The following ANO9 variants were observed in gnomAD, a reference collection of about 807,000 sequenced individuals.
The protein encoded by ANO9 is anoctamin 9, also known as anoctamin-9.
Under a neutral mutation model 100.5 loss-of-function variants are expected in ANO9, and 80 were observed. The observed-to-expected ratio is 0.80, with a 90% CI of 0.66 to 0.96. The LOEUF (loss-of-function observed/expected upper bound fraction) is 0.96, where lower values mean the gene tolerates loss of function less well. Among genes scored for constraint, ANO9 ranks in the 40% least tolerant of loss-of-function variants. ANO9 has a pLI of 0.00. For synonymous variants in ANO9, 473 were observed against 435.6 expected (o/e 1.09, Z -1.07); for missense variants, 1,064 against 1,072.7 (o/e 0.99, Z 0.11).
In ANO9 at chr11:429,820, TG is replaced by T. The variant is rs535142896; in HGVS notation, c.772-3del. 8.9e-6 allele frequency: 14 copies of T among 1,570,508 alleles called. No homozygotes were observed. The highest frequency in any genetic ancestry group is 1.1e-5 in the South Asian group (1 of 88,716). On this transcript the variant is annotated splice_region_variant and splice_polypyrimidine_tract_variant and intron_variant, in intron 9 of 22. Coordinates refer to ENST00000332826, the MANE Select transcript of ANO9 (RefSeq NM_001012302.3). ...ATCATTGTCAAAGAGGTGGGTGAGC[TG>T]GGGGGGTGATAGGTGGGCCGGAGAG...
intron 19 of ANO9, 92 bp downstream of exon 19, chr11:420,371 T>G: frequency 6.5e-7 from 1 of 1,531,578 alleles, no homozygotes; most frequent in Non-Finnish European, 8.7e-7. Flanking sequence ...TCCGAGAGAT[T>G]ATTTTTTCCA....
Position 432,971 on chromosome 11 carries a change from T to G in ANO9, c.350+343A>C, listed in dbSNP as rs1590493647. ...GGGCATCGGAACTGGAGAGGAGGGGTCTTCAAGAGACACTGGCCTTGATCC... is the reference window on the plus strand; with the variant it reads ...GGGCATCGGAACTGGAGAGGAGGGGGCTTCAAGAGACACTGGCCTTGATCC... On this transcript the variant is annotated intron_variant, in intron 4 of 22. Coordinates refer to ENST00000332826, the MANE Select transcript of ANO9 (RefSeq NM_001012302.3). This position sits in a 1 kb window ranked among gnomAD's most constrained non-coding sequence, Gnocchi z 4.8. The G allele has an allele frequency of 1.5e-5, 4 of 274,602 alleles. No individual in the cohort carries two copies. Among genetic ancestry groups the G allele is most frequent in the Non-Finnish European group, 2.0e-5 (3 of 147,688 alleles). 17.0% of individuals were successfully genotyped at this position (274,602 alleles called of 1,614,324 possible).
In ANO9 at chr11:433,449, T is replaced by C; in HGVS notation, c.215A>G (p.Asp72Gly). ...RKGFHIKVIRDQKQVFFGIRA... is the reference protein window; with the variant it reads ...RKGFHIKVIRGQKQVFFGIRA... ...GATCCCAAAGAAGACCTGTTTCTGG[T>C]CCCGGATCACCTGGGGGCACATGGG... Residue 72 changes from aspartate to glycine, a missense_variant, in exon 4 of 23, where the codon GAC becomes GGC. Asp to Gly is a moderately conservative substitution (Grantham distance 94). Transcript: ENST00000332826. 2 of 1,613,076 alleles carry C rather than the reference T, an allele frequency of 1.2e-6. No individual in the cohort carries two copies. Among genetic ancestry groups the C allele is most frequent in the South Asian group, 1.1e-5 (1 of 91,074 alleles).
rs536470281 is a variant in ANO9 at position 437,803 on chromosome 11, C to T, written c.7-3705G>A. On this transcript the variant is annotated intron_variant, in intron 1 of 22. Transcript: ENST00000332826. Reference sequence around the variant, plus strand: ...TTGGAGGGATTCATGGGAGAATGGCCCCTCACATGCCTGGCTTCAGACCCA... The same window carrying T: ...TTGGAGGGATTCATGGGAGAATGGCTCCTCACATGCCTGGCTTCAGACCCA... Among the ~76,000 whole-genome samples, 8 of 152,278 alleles carry T rather than the reference C, an allele frequency of 5.3e-5. No individual in the cohort carries two copies. In the East Asian group the frequency reaches 1.5e-3, roughly 29 times the overall value.
chr11:422,087 T>C lies in ANO9; in HGVS notation c.1335-889A>G, dbSNP rs1848231027. On this transcript the variant is annotated intron_variant, in intron 15 of 22. Coordinates refer to ENST00000332826, the MANE Select transcript of ANO9 (RefSeq NM_001012302.3). This position sits in a 1 kb window ranked among gnomAD's most constrained non-coding sequence, Gnocchi z 4.3. ...AACGAGCATCCAGCAGAACTGGCTT[T>C]TCCGTGTGCGGCAAAGCTGCGGGGA... Among the ~76,000 whole-genome samples the C allele has an allele frequency of 6.6e-6, 1 of 152,212 alleles. No homozygotes were observed. Among genetic ancestry groups the C allele is most frequent in the Non-Finnish European group, 1.5e-5 (1 of 68,044 alleles).
At position 419,713 on chromosome 11, in the gene ANO9, C is replaced by T; in HGVS notation, c.1803G>A (p.Val601=). 3 of 1,613,086 alleles carry T rather than the reference C, an allele frequency of 1.9e-6. No individual in the cohort carries two copies. Among genetic ancestry groups the T allele is most frequent in the Non-Finnish European group, 2.5e-6 (3 of 1,179,778 alleles). Residue 601 remains valine (V), a synonymous_variant, in exon 20 of 23, where the codon GTG becomes GTA. Coordinates refer to ENST00000332826, the MANE Select transcript of ANO9 (RefSeq NM_001012302.3). ...KAKDIGTWLQ[V]LETIGVLAVI... is the part of the protein sequence containing the mutation. Reference sequence around the variant, plus strand: ...CCGCCAGCACACCGATGGTCTCCAGCACCTGCAGCCAGGTCCCTGCACCAG... The same window carrying T: ...CCGCCAGCACACCGATGGTCTCCAGTACCTGCAGCCAGGTCCCTGCACCAG...
chr11:433,267 G>A, intron 4 of ANO9, 47 bp downstream of exon 4: 1 of 1,595,288 alleles, frequency 6.3e-7, no homozygotes, highest in Non-Finnish European at 8.5e-7. Context: ...CAATCACACA[G>A]GTGGCAAGGG....
At chr11:434,201 C>T in intron 1 of ANO9, 103 bp from the exon 2 acceptor site, 1 of 1,331,190 alleles carries the variant, frequency 7.5e-7, no homozygotes. Context: ...ACACACCGTC[C>T]CTCCCCACAA....
At chr11:438,384 G>GCC (rs376556283) in intron 1 of ANO9, among the ~76,000 whole-genome samples, 1 of 95,450 alleles carries the variant, frequency 1.0e-5, no homozygotes, top group African/African-American at 4.3e-5. Flanking sequence ...GACAGGTGTA[G>GCC]CCCCCCCCCG....
chr11:422,738 T>C lies in ANO9; in HGVS notation c.1335-1540A>G, dbSNP rs1406663343. Reference sequence around the variant, plus strand: ...AACTGGGAGGTAATAATTTGATTGTTTGAAGCCACTAAGCTGTGGTCGTTT... The same window carrying C: ...AACTGGGAGGTAATAATTTGATTGTCTGAAGCCACTAAGCTGTGGTCGTTT... On this transcript the variant is annotated intron_variant, in intron 15 of 22. Coordinates refer to ENST00000332826, the MANE Select transcript of ANO9 (RefSeq NM_001012302.3). The surrounding 1 kb of genome is among the most constrained non-coding windows in gnomAD (Gnocchi z 4.3). Among the ~76,000 whole-genome samples the C allele has an allele frequency of 6.6e-6, 1 of 152,212 alleles. No homozygotes were observed. Among genetic ancestry groups the C allele is most frequent in the Non-Finnish European group, 1.5e-5 (1 of 68,032 alleles).
chr11:440,728 G>A lies in ANO9; in HGVS notation c.6+1193C>T, dbSNP rs1042782874. On this transcript the variant is annotated intron_variant, in intron 1 of 22. Coordinates refer to ENST00000332826, the MANE Select transcript of ANO9 (RefSeq NM_001012302.3). ...TCCTCCTGCCTCAGCCTCCCGAGTA[G>A]CTGGGAGCGCAGGCACGCGCCACCA... 2.0e-5 allele frequency: 3 copies of A among 152,404 alleles called. No homozygotes were observed. In the East Asian group the frequency reaches 5.8e-4, roughly 29 times the overall value. The allele number at this position is 152,404 out of a possible 1,614,324, so 9.4% of individuals were successfully genotyped here.
At chr11:425,711 T>G (rs185445884) in intron 15 of ANO9, among the ~76,000 whole-genome samples, 3 of 149,872 alleles carry the variant, frequency 2.0e-5, no homozygotes, top group Admixed American at 2.0e-4. Flanking sequence ...TAGTTTTTTG[T>G]TTTTTGTTTT....
intron 15 of ANO9, among the ~76,000 whole-genome samples, chr11:424,678 CA>C (rs1848390378): frequency 6.6e-6 from 1 of 151,804 alleles, no homozygotes; most frequent in Non-Finnish European, 1.5e-5. Context: ...GATTAAAAAA[CA>C]AAAATGGACC....
In ANO9 at chr11:429,750, C is replaced by G. The variant is rs1462259777; in HGVS notation, c.832+8G>C. On this transcript the variant is annotated splice_region_variant and intron_variant, in intron 10 of 22. Transcript: ENST00000332826. ...CTGGCCCCGCAGAGGCGTCCCGCAG[C>G]AACTCACCCCAGAGAGCCATGAAGA... The G allele has an allele frequency of 6.2e-7, 1 of 1,611,250 alleles. No homozygotes were observed. Among genetic ancestry groups the G allele is most frequent in the Non-Finnish European group, 8.5e-7 (1 of 1,178,998 alleles).
chr11:441,849 G>A, intron 1 of ANO9, 72 bp downstream of exon 1: 1 of 1,562,950 alleles, frequency 6.4e-7, no homozygotes, highest in Non-Finnish European at 8.6e-7. Flanking sequence ...CGGGGGGCTG[G>A]GGCCGGGGGC....
chr11:426,688 C>T (rs1159795731), intron 15 of ANO9, among the ~76,000 whole-genome samples: 6 of 152,138 alleles, frequency 3.9e-5, no homozygotes, highest in African/African-American at 1.2e-4. Flanking sequence ...ATCAGGCTTT[C>T]GGGGGAGACA....
intron 19 of ANO9, 200 bp downstream of exon 19, chr11:420,263 A>T: frequency 7.0e-7 from 1 of 1,426,222 alleles, no homozygotes; most frequent in South Asian, 1.5e-5. Flanking sequence ...GGAGCCTACA[A>T]AGCGCTCGGC....
At chr11:428,975 G>A (rs1220622137) in intron 11 of ANO9, 149 bp from the exon 12 acceptor site, 2 of 739,140 alleles carry the variant, frequency 2.7e-6, no homozygotes, top group Non-Finnish European at 4.5e-6. Flanking sequence ...CCCCACACGT[G>A]GGGAGACAGA....
chr11:418,101 T>G lies in ANO9; in HGVS notation c.*270A>C. 2.3e-6 allele frequency: 1 copy of G among 435,902 alleles called. No homozygotes were observed. Among genetic ancestry groups the G allele is most frequent in the Non-Finnish European group, 4.1e-6 (1 of 245,854 alleles). 27.0% of individuals were successfully genotyped at this position (435,902 alleles called of 1,614,324 possible). A position where few individuals can be genotyped will look rare whatever the true frequency, so the allele number is the denominator to read the frequency against. On this transcript the variant is annotated 3_prime_UTR_variant, in exon 23 of 23. Coordinates refer to ENST00000332826, the MANE Select transcript of ANO9 (RefSeq NM_001012302.3). ...TGCGCCAGTTTTCCTGCCTTGTGGC[T>G]GCCTGAGGAGCCCTCACTCCCAGTT...
Sources: allele counts gnomAD v4.1 joint callset (sites outside exome capture counted in the v4.1 genomes callset), GRCh38; gene constraint gnomAD v4.1.1; non-coding constraint Gnocchi (gnomAD v3.1); transcripts MANE v1.5; gene names NCBI Gene and HGNC (gene_info 2026-07-23, HGNC 2026-07-21).